CLVS1: variants seen among roughly 807,000 people sequenced by gnomAD.
The protein encoded by CLVS1 is clavesin-1.
A neutral mutation model predicts 33.1 loss-of-function variants in CLVS1; 10 were observed. The observed-to-expected ratio is 0.30, with a 90% CI of 0.19 to 0.51. The LOEUF is 0.51. Ranked by LOEUF, CLVS1 falls within the 20% of genes least tolerant of loss-of-function variation. The pLI is 0.97. For synonymous variants in CLVS1, 163 were observed against 166.1 expected (o/e 0.98, Z 0.14); for missense variants, 343 against 433.4 (o/e 0.79, Z 1.85).
chr8:61,376,796 C>A lies in CLVS1; in HGVS notation c.630+17C>A. On this transcript the variant is annotated intron_variant, in intron 3 of 5. Coordinates refer to ENST00000325897, the MANE Select transcript of CLVS1 (RefSeq NM_173519.3). ...GGGTTGCAGGTATGTTCAATGAATG[C>A]GCAATACAAGACCATGTGTGGCAAC... The A allele has an allele frequency of 3.1e-6, 5 of 1,606,068 alleles. No homozygotes were observed. Among genetic ancestry groups the A allele is most frequent in the Non-Finnish European group, 3.4e-6 (4 of 1,174,168 alleles).
the CLVS1 span, among the ~76,000 whole-genome samples, chr8:61,031,431 T>A: frequency 2.0e-5 from 3 of 152,180 alleles, no homozygotes; most frequent in African/African-American, 7.2e-5. Context: ...CACCTCCAGC[T>A]CTGTCTGTCT....
At chr8:61,049,932 C>G in the CLVS1 span, among the ~76,000 whole-genome samples, 2 of 152,202 alleles carry the variant, frequency 1.3e-5, no homozygotes, top group Non-Finnish European at 2.9e-5. Flanking sequence ...ATTCTGTGAA[C>G]AAAATTCTGC....
chr8:61,086,603 A>C (rs906838656), intron 1 of CLVS1, among the ~76,000 whole-genome samples: 4 of 152,104 alleles, frequency 2.6e-5, no homozygotes, highest in Admixed American at 2.0e-4. Context: ...GAAATGGGTT[A>C]CTTTTTTTTT....
At position 61,268,575 on chromosome 8, in the gene CLVS1, C is replaced by CAT. The variant is rs1437209502; in HGVS notation, c.-151-31102_-151-31101insAT. Among the ~76,000 whole-genome samples the CAT allele has an allele frequency of 2.9e-5, 4 of 139,630 alleles. No individual in the cohort carries two copies. In the East Asian group the frequency reaches 8.8e-4, roughly 31 times the overall value. The allele number at this position is 139,630 out of a possible 152,430, so 91.6% of individuals were successfully genotyped here. A position where few individuals can be genotyped will look rare whatever the true frequency, so the allele number is the denominator to read the frequency against. Reference sequence around the variant, plus strand: ...TCAAATGGTATTTCCAGTTCTAGATCCCTGAGGAATCGCCACACTGACTTC... The same window carrying CAT: ...TCAAATGGTATTTCCAGTTCTAGATCATCCTGAGGAATCGCCACACTGACTTC... On this transcript the variant is annotated intron_variant, in intron 2 of 2. Transcript: ENST00000522621.
chr8:61,034,370 ATT>A, the CLVS1 span, among the ~76,000 whole-genome samples: 4 of 137,450 alleles, frequency 2.9e-5, no homozygotes, highest in South Asian at 5.1e-4. Flanking sequence ...AATACTTATC[ATT>A]TTTTTTTTGT....
At chr8:61,129,845 T>A (rs545956129) in intron 1 of CLVS1, among the ~76,000 whole-genome samples, 1 of 152,364 alleles carries the variant, frequency 6.6e-6, no homozygotes, top group African/African-American at 2.4e-5. Context: ...TGCAGACATA[T>A]TTTAAAAGCA....
At chr8:61,269,498 G>A (rs1160825007) in intron 2 of CLVS1, among the ~76,000 whole-genome samples, 63 of 152,026 alleles carry the variant, frequency 4.1e-4, no homozygotes, top group African/African-American at 1.1e-3. Flanking sequence ...TTGGCGATGC[G>A]GACTCTTTTT....
At position 61,079,030 on chromosome 8, in the gene CLVS1, G is replaced by A. The variant is rs551945076; in HGVS notation, c.-243+21800G>A. 6.6e-5 allele frequency among the ~76,000 whole-genome samples: 10 copies of A among 152,050 alleles called. 1 individual carries two copies. The highest frequency in any genetic ancestry group is 2.0e-4 in the Admixed American group (3 of 15,270). On this transcript the variant is annotated intron_variant, in intron 1 of 2. Coordinates refer to the CLVS1 transcript ENST00000522621. ...AGAAATAATTTAAGATCAAAAACACGCCAAGACCAAAACATCAAAACGTCT... is the reference window on the plus strand; with the variant it reads ...AGAAATAATTTAAGATCAAAAACACACCAAGACCAAAACATCAAAACGTCT...
At chr8:61,049,652 C>T in the CLVS1 span, among the ~76,000 whole-genome samples, 1 of 152,146 alleles carries the variant, frequency 6.6e-6, no homozygotes, top group Non-Finnish European at 1.5e-5. Context: ...GCCCCAAAGA[C>T]ACATAGATAG....
At chr8:61,342,691 G>C (rs895414601) in intron 2 of CLVS1, among the ~76,000 whole-genome samples, 6 of 152,142 alleles carry the variant, frequency 3.9e-5, no homozygotes, top group African/African-American at 1.2e-4. Flanking sequence ...CAATTATGTG[G>C]TGCCTCGGAA....
chr8:61,001,670 C>T, the CLVS1 span, among the ~76,000 whole-genome samples: 1 of 152,226 alleles, frequency 6.6e-6, no homozygotes, highest in Non-Finnish European at 1.5e-5. Context: ...AAATCAAGTG[C>T]AAACTCCTTT....
At chr8:61,243,968 C>T (rs1241434862) in intron 2 of CLVS1, among the ~76,000 whole-genome samples, 1 of 152,084 alleles carries the variant, frequency 6.6e-6, no homozygotes, top group Non-Finnish European at 1.5e-5. Context: ...TTTGTGGTTT[C>T]CATATTTTCG....
At position 61,076,342 on chromosome 8, in the gene CLVS1, C is replaced by T. The variant is rs908201724; in HGVS notation, c.-243+19112C>T. 7.9e-5 allele frequency among the ~76,000 whole-genome samples: 12 copies of T among 152,168 alleles called. No homozygotes were observed. In the South Asian group the frequency reaches 2.1e-3, roughly 26 times the overall value. ...AAACGCATGCATGCTGGGTGGGGAC[C>T]TCTTTGTCTCTCCTTAGCCTTTTCC... On this transcript the variant is annotated intron_variant, in intron 1 of 2. Transcript: ENST00000522621.
At chr8:61,231,842 T>C (rs746260793) in intron 2 of CLVS1, among the ~76,000 whole-genome samples, 1 of 152,044 alleles carries the variant, frequency 6.6e-6, no homozygotes, top group South Asian at 2.1e-4. Flanking sequence ...AGCAAGGAAG[T>C]TGGGATCACT....
intron 1 of CLVS1, among the ~76,000 whole-genome samples, chr8:61,069,058 C>T (rs1322490759): frequency 1.3e-5 from 2 of 152,166 alleles, no homozygotes; most frequent in Non-Finnish European, 2.9e-5. Flanking sequence ...CTTCCGCCTT[C>T]CAAGTTCAAG....
chr8:61,384,266 T>C (rs1017040775), intron 3 of CLVS1, among the ~76,000 whole-genome samples: 1 of 152,192 alleles, frequency 6.6e-6, no homozygotes, highest in Non-Finnish European at 1.5e-5. Flanking sequence ...GTTTGTTCTC[T>C]TCCTGCAGAC....
At chr8:61,328,129 G>A (rs1470847586) in intron 2 of CLVS1, among the ~76,000 whole-genome samples, 3 of 152,112 alleles carry the variant, frequency 2.0e-5, no homozygotes, top group Admixed American at 2.0e-4. Flanking sequence ...ATAGGCTCTG[G>A]GAGTTTCATG....
chr8:61,058,376 A>G (rs1224920232), intron 1 of CLVS1, among the ~76,000 whole-genome samples: 1 of 152,208 alleles, frequency 6.6e-6, no homozygotes, highest in Non-Finnish European at 1.5e-5. Flanking sequence ...CTCTTTCTTG[A>G]CAGGAACCTT....
intron 2 of CLVS1, among the ~76,000 whole-genome samples, chr8:61,322,341 C>G (rs2129596389): frequency 6.6e-6 from 1 of 152,242 alleles, no homozygotes; most frequent in African/African-American, 2.4e-5. Context: ...CTTTCAAGTT[C>G]TGATAGACAT....
Sources: gnomAD v4.1 joint callset for allele counts (sites outside exome capture counted in the v4.1 genomes callset) on GRCh38, gnomAD v4.1.1 for gene constraint, MANE v1.5 for transcripts, NCBI Gene and HGNC (gene_info 2026-07-23, HGNC 2026-07-21) for gene names.